Variants in EML6 observed in about 807,000 individuals in gnomAD.
The protein encoded by EML6 is echinoderm microtubule-associated protein-like 6.
In EML6, 154 loss-of-function variants were observed where a neutral mutation model predicts 240.1. The observed-to-expected ratio is 0.64, with a 90% CI of 0.56 to 0.73. EML6 has a LOEUF of 0.73. Among genes scored for constraint, EML6 ranks in the 30% least tolerant of loss-of-function variants. The pLI is 0.00. For synonymous variants in EML6, 1,148 were observed against 899.0 expected, an observed-to-expected ratio of 1.28 and a Z score of -4.95; for missense variants, 2,964 against 2,474.6, an observed-to-expected ratio of 1.20 and a Z score of -4.20.
chr2:54,725,074 A>G lies in EML6; in HGVS notation c.13A>G (p.Thr5Ala), dbSNP rs1682845894. 6.6e-7 allele frequency: 1 copy of G among 1,525,230 alleles called. No homozygotes were observed. The highest frequency in any genetic ancestry group is 8.8e-7 in the Non-Finnish European group (1 of 1,136,362). 94.5% of individuals were successfully genotyped at this position (1,525,230 alleles called of 1,614,324 possible). ...GGGTCGGCTTATCATGGCGGATCGGACGGCGCCCCGCTGCCAGCTCCGGCT... is the reference window on the plus strand; with the variant it reads ...GGGTCGGCTTATCATGGCGGATCGGGCGGCGCCCCGCTGCCAGCTCCGGCT... MADR[T>A]APRCQLRLEW... Residue 5 changes from threonine to alanine, a missense_variant, in exon 2 of 42, where the codon ACG becomes GCG. By Grantham distance (58) the Thr-to-Ala change is moderately conservative. Transcript: ENST00000356458. The surrounding 1 kb of genome is among the most constrained non-coding windows in gnomAD (Gnocchi z 4.3).
intron 7 of EML6, among the ~76,000 whole-genome samples, chr2:54,834,863 C>T (rs1487283843): frequency 2.0e-5 from 3 of 152,132 alleles, no homozygotes; most frequent in Admixed American, 2.0e-4. Context: ...AAGTTGCATT[C>T]CTGCTTCGAC....
At chr2:54,862,504 A>C (rs1417309713) in intron 12 of EML6, among the ~76,000 whole-genome samples, 5 of 152,072 alleles carry the variant, frequency 3.3e-5, no homozygotes, top group Non-Finnish European at 7.4e-5. Context: ...AAACAAAAAG[A>C]AAAAGAGTAA....
intron 11 of EML6, among the ~76,000 whole-genome samples, chr2:54,855,886 G>C (rs1670348539): frequency 6.6e-6 from 1 of 152,178 alleles, no homozygotes; most frequent in African/African-American, 2.4e-5. Flanking sequence ...GTGTCTGTCT[G>C]TAATTTAGGT....
At chr2:54,813,187 T>G in intron 2 of EML6, 45 bp from the exon 3 acceptor site, 1 of 1,410,618 alleles carries the variant, frequency 7.1e-7, no homozygotes, top group Non-Finnish European at 9.7e-7. Flanking sequence ...GTGATCAGTG[T>G]TTTCTTCAGT....
rs374916482 is a variant in EML6 at position 54,829,482 on chromosome 2, T to C, written c.847+5T>C. 19 of 1,548,746 alleles carry C rather than the reference T, an allele frequency of 1.2e-5. No individual in the cohort carries two copies. In the African/African-American group the frequency reaches 2.5e-4, roughly 20 times the overall value. ...AGACAGAACAAGGATACAAAGGTAATATATGTGTTAAGCTTACCTGTAACT... is the reference window on the plus strand; with the variant it reads ...AGACAGAACAAGGATACAAAGGTAACATATGTGTTAAGCTTACCTGTAACT... On this transcript the variant is annotated splice_donor_5th_base_variant and intron_variant, in intron 7 of 41. Coordinates refer to ENST00000356458, the MANE Select transcript of EML6 (RefSeq NM_001039753.4).
intron 9 of EML6, among the ~76,000 whole-genome samples, 182 bp from the exon 10 acceptor site, chr2:54,849,780 G>A (rs1239299965): frequency 6.6e-6 from 1 of 152,186 alleles, no homozygotes; most frequent in African/African-American, 2.4e-5. Flanking sequence ...AAGCCACCGC[G>A]CCCGGCCAAT....
chr2:54,740,267 T>A (rs1232536526), intron 2 of EML6, among the ~76,000 whole-genome samples: 2 of 152,034 alleles, frequency 1.3e-5, no homozygotes, highest in African/African-American at 2.4e-5. Context: ...TTGAGAAAGA[T>A]CAACTTTTTA....
chr2:54,883,279 T>G (rs1671937743), intron 17 of EML6, among the ~76,000 whole-genome samples: 1 of 152,204 alleles, frequency 6.6e-6, no homozygotes, highest in Admixed American at 6.5e-5. Context: ...CTATAACTGG[T>G]TTTTTTCACT....
chr2:54,732,013 A>C (rs1278898149), intron 2 of EML6, among the ~76,000 whole-genome samples: 1 of 152,156 alleles, frequency 6.6e-6, no homozygotes, highest in African/African-American at 2.4e-5. Context: ...TGGGTGTGAA[A>C]TGATATCTCA....
chr2:54,934,684 G>T (rs570674938), intron 28 of EML6, among the ~76,000 whole-genome samples: 2 of 152,020 alleles, frequency 1.3e-5, no homozygotes, highest in South Asian at 2.1e-4. Flanking sequence ...CAAGTACCTG[G>T]GACTAGGACT....
chr2:54,744,154 A>G (rs1177291755), intron 2 of EML6, among the ~76,000 whole-genome samples: 1 of 152,038 alleles, frequency 6.6e-6, no homozygotes, highest in Non-Finnish European at 1.5e-5. Context: ...AATCTAGAAA[A>G]TAATAATGTA....
At chr2:54,856,458 A>C (rs553149402) in intron 11 of EML6, among the ~76,000 whole-genome samples, 7 of 152,246 alleles carry the variant, frequency 4.6e-5, no homozygotes, top group African/African-American at 1.4e-4. Context: ...TAGCAAATGG[A>C]CTTGTGTTGT....
At chr2:54,951,672 C>A (rs1258440047) in intron 30 of EML6, among the ~76,000 whole-genome samples, 2 of 150,666 alleles carry the variant, frequency 1.3e-5, no homozygotes, top group Non-Finnish European at 2.9e-5. Flanking sequence ...TAAACAGGTT[C>A]ACATTTTGCC....
At chr2:54,902,933 C>T (rs1673136269) in intron 22 of EML6, 111 bp from the exon 23 acceptor site, 2 of 929,390 alleles carry the variant, frequency 2.2e-6, no homozygotes, top group Non-Finnish European at 3.2e-6. Context: ...AATTTAAAGG[C>T]AGTCACGTGT....
At chr2:54,797,164 CAAAAAAAAA>C (rs773498648) in intron 2 of EML6, among the ~76,000 whole-genome samples, 6 of 43,830 alleles carry the variant, frequency 1.4e-4, no homozygotes, top group East Asian at 9.1e-4. Context: ...GACTCCATCT[CAAAAAAAAA>C]AAAAAAAAAA....
intron 8 of EML6, among the ~76,000 whole-genome samples, 156 bp from the exon 9 acceptor site, chr2:54,847,330 A>G (rs566432042): frequency 6.6e-6 from 1 of 152,218 alleles, no homozygotes; most frequent in African/African-American, 2.4e-5. Context: ...ACACCTTTCC[A>G]CACTCGCTGA....
intron 13 of EML6, among the ~76,000 whole-genome samples, chr2:54,865,882 G>A (rs978231675): frequency 6.6e-6 from 1 of 152,164 alleles, no homozygotes; most frequent in Non-Finnish European, 1.5e-5. Flanking sequence ...GCCCACAGAG[G>A]TTATGAGACC....
chr2:54,902,338 T>C (rs942762244), intron 22 of EML6, among the ~76,000 whole-genome samples: 112 of 152,180 alleles, frequency 7.4e-4, no homozygotes, highest in African/African-American at 2.6e-3. Context: ...ATAAACCTCA[T>C]GGAAGTTGAA....
intron 32 of EML6, among the ~76,000 whole-genome samples, chr2:54,955,083 A>C (rs1676169615): frequency 6.6e-6 from 1 of 152,226 alleles, no homozygotes; most frequent in Admixed American, 6.5e-5. Flanking sequence ...AGACATTTGT[A>C]ATGATACCAT....
Sources: gnomAD v4.1 joint callset for allele counts (sites outside exome capture counted in the v4.1 genomes callset) on GRCh38, gnomAD v4.1.1 for gene constraint, Gnocchi (gnomAD v3.1) non-coding constraint, MANE v1.5 for transcripts, NCBI Gene and HGNC (gene_info 2026-07-23, HGNC 2026-07-21) for gene names.